Variants in SH3GL3 observed in about 807,000 individuals in gnomAD.
SH3GL3 encodes the protein SH3 domain containing GRB2 like 3, endophilin A3.
A neutral mutation model predicts 47.7 loss-of-function variants in SH3GL3; 33 were observed. The ratio of observed to expected loss-of-function variants is 0.69; its 90% confidence interval spans 0.52 to 0.92. The LOEUF is 0.92. SH3GL3 is among the 40% of genes least tolerant of loss of function. SH3GL3 has a pLI of 0.00. For missense variants in SH3GL3, 363 were observed against 417.8 expected, an observed-to-expected ratio of 0.87 and a Z score of 1.14; for synonymous variants, 155 against 148.8, an observed-to-expected ratio of 1.04 and a Z score of -0.30.
the SH3GL3 span, among the ~76,000 whole-genome samples, chr15:83,626,209 A>G: frequency 2.0e-5 from 3 of 152,100 alleles, no homozygotes; most frequent in South Asian, 6.2e-4. Context: ...TCTTCTAAAG[A>G]GCTCCACTAC....
At chr15:83,492,392 C>T (rs1236547993) in intron 1 of SH3GL3, among the ~76,000 whole-genome samples, 2 of 151,504 alleles carry the variant, frequency 1.3e-5, no homozygotes, top group African/African-American at 4.9e-5. Context: ...CTAAAAGATG[C>T]CACACCACAT....
At chr15:83,551,912 C>A (rs2044688913) in intron 1 of SH3GL3, among the ~76,000 whole-genome samples, 2 of 152,098 alleles carry the variant, frequency 1.3e-5, no homozygotes, top group South Asian at 4.2e-4. Context: ...TCAGCCATTT[C>A]TTTGCTTATA....
At chr15:83,463,367 TCCAAGCAGC>T (rs2040399436) in intron 1 of SH3GL3, among the ~76,000 whole-genome samples, 1 of 152,170 alleles carries the variant, frequency 6.6e-6, no homozygotes, top group African/African-American at 2.4e-5. Context: ...ATGAACTCTT[TCCAAGCAGC>T]TTACATGAGC....
chr15:83,456,965 A>G (rs2040020738), intron 1 of SH3GL3, among the ~76,000 whole-genome samples: 1 of 152,260 alleles, frequency 6.6e-6, no homozygotes, highest in South Asian at 2.1e-4. Context: ...TAGCATAGAT[A>G]TGGCATTGTG....
intron 1 of SH3GL3, among the ~76,000 whole-genome samples, chr15:83,510,429 A>C (rs1159567993): frequency 6.6e-6 from 1 of 152,190 alleles, no homozygotes; most frequent in Non-Finnish European, 1.5e-5. Flanking sequence ...TCTAATGTCT[A>C]ACCTAGTGGC....
intron 6 of SH3GL3, among the ~76,000 whole-genome samples, chr15:83,582,497 A>G (rs1303865931): frequency 6.6e-6 from 1 of 152,256 alleles, no homozygotes; most frequent in African/African-American, 2.4e-5. Context: ...CCTGGGTTAA[A>G]TAAAACTAAA....
intron 1 of SH3GL3, among the ~76,000 whole-genome samples, chr15:83,538,873 C>T (rs981182506): frequency 6.6e-6 from 1 of 152,110 alleles, no homozygotes; most frequent in Non-Finnish European, 1.5e-5. Flanking sequence ...TAGATACCAG[C>T]AGAATTGCTG....
intron 5 of SH3GL3, among the ~76,000 whole-genome samples, chr15:83,574,981 G>T (rs1286348357): frequency 1.3e-5 from 2 of 152,180 alleles, no homozygotes; most frequent in Non-Finnish European, 2.9e-5. Flanking sequence ...ATTCCTCGGG[G>T]TGAGTGATCG....
chr15:83,529,446 G>T (rs572968675), intron 1 of SH3GL3, among the ~76,000 whole-genome samples: 1 of 152,224 alleles, frequency 6.6e-6, no homozygotes, highest in Admixed American at 6.5e-5. Flanking sequence ...GTTAGTGATG[G>T]TTGTGATGGG....
At chr15:83,477,909 C>T (rs913200726) in intron 1 of SH3GL3, among the ~76,000 whole-genome samples, 3 of 152,164 alleles carry the variant, frequency 2.0e-5, no homozygotes, top group African/African-American at 7.2e-5. Flanking sequence ...TGATTTACTT[C>T]TCTGAGAATG....
intron 8 of SH3GL3, among the ~76,000 whole-genome samples, chr15:83,611,244 GTCTCTCTC>G (rs35606421): frequency 6.7e-6 from 1 of 149,246 alleles, no homozygotes; most frequent in South Asian, 2.1e-4. Context: ...TTGTGGTAGG[GTCTCTCTC>G]TCTCTCTCTC....
intron 1 of SH3GL3, among the ~76,000 whole-genome samples, chr15:83,525,947 G>C (rs1442428785): frequency 6.6e-6 from 1 of 152,130 alleles, no homozygotes; most frequent in Non-Finnish European, 1.5e-5. Flanking sequence ...TTTGACATCA[G>C]GTAGTGTGAT....
At chr15:83,456,844 A>G (rs1191009721) in intron 1 of SH3GL3, among the ~76,000 whole-genome samples, 1 of 152,194 alleles carries the variant, frequency 6.6e-6, no homozygotes, top group Non-Finnish European at 1.5e-5. Context: ...CTCAGAACCC[A>G]AATTTTTCAA....
At chr15:83,483,477 CAT>C (rs1248099503) in intron 1 of SH3GL3, among the ~76,000 whole-genome samples, 1 of 152,170 alleles carries the variant, frequency 6.6e-6, no homozygotes, top group Non-Finnish European at 1.5e-5. Context: ...TAAATGACCA[CAT>C]GTGGCCAGTG....
intron 6 of SH3GL3, among the ~76,000 whole-genome samples, chr15:83,584,315 A>G (rs1343994065): frequency 1.2e-4 from 18 of 152,196 alleles, no homozygotes. Flanking sequence ...TCGTGATTAC[A>G]TTGAGCCATT....
In SH3GL3 at chr15:83,568,624, G is replaced by A. The variant is rs1479595340; in HGVS notation, c.283G>A (p.Asp95Asn). 10 of 1,613,766 alleles carry A rather than the reference G, an allele frequency of 6.2e-6. No homozygotes were observed. The highest frequency in any genetic ancestry group is 8.5e-6 in the Non-Finnish European group (10 of 1,179,778). ...CCCGCAGACGGAAGGCTTGCTGGGGGACTGTATGCTGAAATACGGGAAGGA... is the reference window on the plus strand; with the variant it reads ...CCCGCAGACGGAAGGCTTGCTGGGGAACTGTATGCTGAAATACGGGAAGGA... ...GYPQTEGLLGDCMLKYGKELG... is the reference protein window; with the variant it reads ...GYPQTEGLLGNCMLKYGKELG... The change falls in exon 4 of 9, where the codon GAC becomes AAC. Residue 95 changes from aspartate (D) to asparagine (N), a missense_variant. By Grantham distance (23) the Asp-to-Asn change is conservative (BLOSUM62 1). Coordinates refer to ENST00000427482, the MANE Select transcript of SH3GL3 (RefSeq NM_003027.5).
chr15:83,590,210 T>C (rs1447391367), intron 8 of SH3GL3, among the ~76,000 whole-genome samples: 1 of 152,180 alleles, frequency 6.6e-6, no homozygotes, highest in African/African-American at 2.4e-5. Flanking sequence ...AAACTTTGTT[T>C]TTGGAGTGCC....
intron 1 of SH3GL3, among the ~76,000 whole-genome samples, chr15:83,512,432 TAA>T (rs2042799011): frequency 6.6e-6 from 1 of 152,172 alleles, no homozygotes; most frequent in East Asian, 1.9e-4. Flanking sequence ...AGAAGTCTCT[TAA>T]GTGCCTGTGG....
chr15:83,593,312 T>G (rs1170962350), intron 8 of SH3GL3, among the ~76,000 whole-genome samples: 1 of 152,232 alleles, frequency 6.6e-6, no homozygotes, highest in Admixed American at 6.5e-5. Context: ...CAATATTGAG[T>G]GTTCCAGGCT....
Sources: allele counts gnomAD v4.1 joint callset (sites outside exome capture counted in the v4.1 genomes callset), GRCh38; gene constraint gnomAD v4.1.1; transcripts MANE v1.5; gene names NCBI Gene and HGNC (gene_info 2026-07-23, HGNC 2026-07-21).